The following PIBF1 variants were observed in gnomAD, a reference collection of about 807,000 sequenced individuals.
PIBF1 encodes the protein progesterone immunomodulatory binding factor 1.
A neutral mutation model predicts 112.5 loss-of-function variants in PIBF1; 90 were observed. The observed-to-expected ratio is 0.80, with a 90% CI of 0.67 to 0.95. PIBF1 has a LOEUF of 0.95. Ranked by LOEUF, PIBF1 falls within the 40% of genes least tolerant of loss-of-function variation. PIBF1 has a pLI of 0.00. For missense variants in PIBF1, 915 were observed against 852.3 expected, an observed-to-expected ratio of 1.07 and a Z score of -0.92; for synonymous variants, 301 against 288.6, an observed-to-expected ratio of 1.04 and a Z score of -0.44.
chr13:72,845,592 C>T (rs1243185330), intron 9 of PIBF1, among the ~76,000 whole-genome samples: 4 of 152,174 alleles, frequency 2.6e-5, no homozygotes, highest in Admixed American at 2.0e-4. Flanking sequence ...AATCGCTACA[C>T]TGTCTTCCAC....
At position 72,893,884 on chromosome 13, in the gene PIBF1, G is replaced by A. The variant is rs957892150; in HGVS notation, c.1423G>A (p.Glu475Lys). ...AAGTGAGCGTGTTCAACTTCTGCAA[G>A]AGGAAACAGCAAGAAATCTCACACA... is the stretch of plus-strand genomic sequence containing the variant. ...FESERVQLLQ[E>K]ETARNLTQCQ... is the part of the protein sequence containing the mutation. Residue 475 changes from glutamate to lysine, a missense_variant, in exon 11 of 18, where the codon GAG (glutamate) becomes AAG (lysine). By Grantham distance (56) the Glu-to-Lys change is moderately conservative. Coordinates refer to ENST00000326291, the MANE Select transcript of PIBF1 (RefSeq NM_006346.4). The A allele has an allele frequency of 6.2e-7, 1 of 1,608,128 alleles. No individual in the cohort carries two copies. The highest frequency in any genetic ancestry group is 1.3e-5 in the African/African-American group (1 of 74,684).
rs1555316876 is a variant in PIBF1 at position 72,927,964 on chromosome 13, T to TATATATATATAC, written c.1731-3190_1731-3189insCATATATATATA. On this transcript the variant is annotated intron_variant, in intron 13 of 17. Transcript: ENST00000326291. ...ATGTGTGTATATATATATATACACATATATATATATATACATATATATATA... is the reference window on the plus strand; with the variant it reads ...ATGTGTGTATATATATATATACACATATATATATATACATATATATATATACATATATATATA... 3.2e-4 allele frequency among the ~76,000 whole-genome samples: 26 copies of TATATATATATAC among 82,154 alleles called. No individual in the cohort carries two copies. In the East Asian group the frequency reaches 6.6e-3, roughly 21 times the overall value. The allele number at this position is 82,154 out of a possible 152,430, so 53.9% of individuals were successfully genotyped here.
chr13:72,835,837 C>T (rs980306935), intron 9 of PIBF1, among the ~76,000 whole-genome samples: 4 of 152,176 alleles, frequency 2.6e-5, no homozygotes, highest in East Asian at 1.9e-4. Context: ...TGGTGGCTCA[C>T]GCCTGTAATC....
intron 6 of PIBF1, among the ~76,000 whole-genome samples, chr13:72,825,326 G>A (rs2036753537): frequency 6.6e-6 from 1 of 152,120 alleles, no homozygotes; most frequent in African/African-American, 2.4e-5. Flanking sequence ...TTTAATCTTA[G>A]TAAATTCACA....
At chr13:72,987,283 G>T (rs1212141042) in intron 16 of PIBF1, among the ~76,000 whole-genome samples, 1 of 151,442 alleles carries the variant, frequency 6.6e-6, no homozygotes. Context: ...GCTATGAGGA[G>T]ACACATCCTG....
chr13:72,961,827 TAAAG>T (rs974312747), intron 14 of PIBF1, among the ~76,000 whole-genome samples: 3 of 152,018 alleles, frequency 2.0e-5, no homozygotes, highest in African/African-American at 7.3e-5. Context: ...GGAAAAAAAA[TAAAG>T]AACAAAAACA....
At chr13:72,787,369 C>G (rs1288252061) in intron 2 of PIBF1, among the ~76,000 whole-genome samples, 1 of 152,160 alleles carries the variant, frequency 6.6e-6, no homozygotes, top group Non-Finnish European at 1.5e-5. Flanking sequence ...GATTCTAAAG[C>G]TAGTACACCC....
intron 9 of PIBF1, among the ~76,000 whole-genome samples, chr13:72,837,134 A>G (rs1443376216): frequency 6.6e-6 from 1 of 152,114 alleles, no homozygotes; most frequent in Admixed American, 6.5e-5. Flanking sequence ...CAGTAGACAA[A>G]CTAAAAATAT....
chr13:72,964,738 G>T (rs1182867274), intron 14 of PIBF1, among the ~76,000 whole-genome samples: 1 of 152,098 alleles, frequency 6.6e-6, no homozygotes, highest in Non-Finnish European at 1.5e-5. Context: ...TTAAGTTTAT[G>T]CATTCTCAAA....
At chr13:72,836,259 G>A in intron 9 of PIBF1, 1 of 307,370 alleles carries the variant, frequency 3.3e-6, no homozygotes, top group Non-Finnish European at 6.5e-6. Context: ...TAGTCAGTGT[G>A]GTTTTTGAAA....
At position 72,914,657 on chromosome 13, in the gene PIBF1, C is replaced by T. The variant is rs1167860208; in HGVS notation, c.1640-2419C>T. Among the ~76,000 whole-genome samples the T allele has an allele frequency of 3.3e-5, 5 of 152,294 alleles. No homozygotes were observed. In the East Asian group the frequency reaches 9.7e-4, roughly 29 times the overall value. On this transcript the variant is annotated intron_variant, in intron 12 of 17. Transcript: ENST00000326291. ...GGAGTGCAGTGGTACAATCATAGCTCACTGCAGTCTCAAACTCCTGGGCTC... is the reference window on the plus strand; with the variant it reads ...GGAGTGCAGTGGTACAATCATAGCTTACTGCAGTCTCAAACTCCTGGGCTC...
chr13:72,986,848 G>A (rs1357077417), intron 16 of PIBF1, among the ~76,000 whole-genome samples: 2 of 151,946 alleles, frequency 1.3e-5, no homozygotes, highest in Non-Finnish European at 2.9e-5. Context: ...CCGCCACCGC[G>A]CCCGGCTAAT....
At chr13:72,952,961 C>G (rs546223098) in intron 14 of PIBF1, among the ~76,000 whole-genome samples, 17 of 151,942 alleles carry the variant, frequency 1.1e-4, no homozygotes, top group African/African-American at 3.9e-4. Flanking sequence ...TAGGAGGTGC[C>G]CATAGGTAAA....
chr13:72,818,806 A>G (rs752941947), intron 5 of PIBF1, among the ~76,000 whole-genome samples: 7 of 151,484 alleles, frequency 4.6e-5, no homozygotes, highest in East Asian at 3.9e-4. Flanking sequence ...AAAATCACAC[A>G]AGCAGTAACA....
At chr13:72,907,867 T>C (rs2040756175) in intron 11 of PIBF1, among the ~76,000 whole-genome samples, 2 of 152,160 alleles carry the variant, frequency 1.3e-5, no homozygotes, top group African/African-American at 4.8e-5. Flanking sequence ...GTTGTCATCA[T>C]GGTGTTTCCT....
Position 72,835,243 on chromosome 13 carries a change from A to G in PIBF1, c.1098A>G (p.Arg366=), listed in dbSNP as rs752268871. Residue 366 remains arginine, a splice_region_variant and synonymous_variant, in exon 9 of 18, where the codon AGA becomes AGG. Coordinates refer to ENST00000326291, the MANE Select transcript of PIBF1 (RefSeq NM_006346.4). The stretch of plus-strand genomic sequence containing the variant: ...GGTTGTTCCTTTTCACTCCTTGCAG[A>G]GACCATTATAAAACAGAATATGAAA... ...EEMYEKYVAS[R]DHYKTEYENK... 1 of 1,557,668 alleles carries G rather than the reference A, an allele frequency of 6.4e-7. No homozygotes were observed. Among genetic ancestry groups the G allele is most frequent in the South Asian group, 1.2e-5 (1 of 81,094 alleles).
At chr13:72,936,793 C>G (rs770295107) in intron 14 of PIBF1, among the ~76,000 whole-genome samples, 1 of 151,926 alleles carries the variant, frequency 6.6e-6, no homozygotes, top group South Asian at 2.1e-4. Context: ...ATTCTATCAT[C>G]AGTTTGTTAA....
chr13:72,806,843 A>G (rs1039650055), intron 5 of PIBF1, among the ~76,000 whole-genome samples: 5 of 152,160 alleles, frequency 3.3e-5, no homozygotes, highest in Admixed American at 3.3e-4. Flanking sequence ...ATGTTTTTAT[A>G]GTAGCATGAT....
At chr13:72,853,290 A>G (rs878961498) in intron 9 of PIBF1, among the ~76,000 whole-genome samples, 7 of 152,206 alleles carry the variant, frequency 4.6e-5, no homozygotes, top group Admixed American at 4.6e-4. Flanking sequence ...ACTGTTAAGT[A>G]GATGACTTTT....
Sources: allele counts gnomAD v4.1 joint callset (sites outside exome capture counted in the v4.1 genomes callset), GRCh38; gene constraint gnomAD v4.1.1; transcripts MANE v1.5; gene names NCBI Gene and HGNC (gene_info 2026-07-23, HGNC 2026-07-21).